The following WDPCP variants were observed in gnomAD, a reference collection of about 807,000 sequenced individuals.
The protein encoded by WDPCP is WD repeat containing planar cell polarity effector.
Under a neutral mutation model 93.1 loss-of-function variants are expected in WDPCP, and 71 were observed. The ratio of observed to expected loss-of-function variants is 0.76; its 90% CI spans 0.63 to 0.93. WDPCP has a LOEUF of 0.93. WDPCP is among the 40% of genes least tolerant of loss of function. The pLI is 0.00. For synonymous variants in WDPCP, 315 were observed against 315.0 expected (o/e 1.00, Z 0.00); for missense variants, 844 against 887.4 (o/e 0.95, Z 0.62).
At chr2:63,524,124 CA>C in intron 1 of WDPCP, among the ~76,000 whole-genome samples, 1 of 152,124 alleles carries the variant, frequency 6.6e-6, no homozygotes, top group Middle Eastern at 3.4e-3. Context: ...ATGACACAAA[CA>C]AATGAAAAAA....
At chr2:63,347,619 A>G (rs186785657) in intron 12 of WDPCP, among the ~76,000 whole-genome samples, 1 of 152,304 alleles carries the variant, frequency 6.6e-6, no homozygotes, top group Admixed American at 6.5e-5. Flanking sequence ...CAAGATTAGA[A>G]ATGCCATGTT....
intron 12 of WDPCP, among the ~76,000 whole-genome samples, chr2:63,352,225 T>G (rs1380527755): frequency 6.6e-6 from 1 of 152,234 alleles, no homozygotes; most frequent in Non-Finnish European, 1.5e-5. Flanking sequence ...AGATTGTCTG[T>G]TTACTCTGTT....
At chr2:63,749,479 CCATA>C (rs1669847433) in intron 2 of WDPCP, among the ~76,000 whole-genome samples, 2 of 151,940 alleles carry the variant, frequency 1.3e-5, no homozygotes, top group African/African-American at 4.8e-5. Flanking sequence ...ATTTGAGTAC[CCATA>C]CAACCATTCT....
At chr2:63,123,086 G>A (rs1669662419) in intron 17 of WDPCP, among the ~76,000 whole-genome samples, 1 of 149,650 alleles carries the variant, frequency 6.7e-6, no homozygotes, top group Admixed American at 6.7e-5. Context: ...GTAGCAAGAA[G>A]AATGCGTAAT....
At chr2:63,215,331 A>T (rs918201730) in intron 14 of WDPCP, among the ~76,000 whole-genome samples, 4 of 152,364 alleles carry the variant, frequency 2.6e-5, no homozygotes, top group African/African-American at 9.6e-5. Context: ...ACAGTAACCA[A>T]AATAGCATGG....
At chr2:63,176,812 C>T (rs756768996) in intron 14 of WDPCP, among the ~76,000 whole-genome samples, 3 of 152,140 alleles carry the variant, frequency 2.0e-5, no homozygotes, top group Non-Finnish European at 4.4e-5. Flanking sequence ...CTTTTGGTGT[C>T]ACATACAAGA....
intron 1 of WDPCP, among the ~76,000 whole-genome samples, chr2:63,586,682 G>C (rs980167936): frequency 6.6e-6 from 1 of 152,186 alleles, no homozygotes; most frequent in Admixed American, 6.5e-5. Flanking sequence ...GCAATAAACA[G>C]AACAAGGCCC....
intron 12 of WDPCP, among the ~76,000 whole-genome samples, chr2:63,364,793 C>T (rs1690766985): frequency 1.3e-5 from 2 of 152,212 alleles, no homozygotes; most frequent in South Asian, 4.1e-4. Context: ...CTTACATCTT[C>T]CTTCTCTTTC....
chr2:63,313,645 G>C (rs980946213), intron 12 of WDPCP, among the ~76,000 whole-genome samples: 2 of 151,880 alleles, frequency 1.3e-5, no homozygotes, highest in Admixed American at 1.3e-4. Context: ...CTCAGCTATA[G>C]AAATCAAAAG....
At chr2:63,441,172 T>A (rs1201772761) in intron 6 of WDPCP, 2 of 152,204 alleles carry the variant, frequency 1.3e-5, no homozygotes, top group African/African-American at 4.8e-5. Flanking sequence ...TTTATGGGTT[T>A]TGGAGACTAC....
intron 2 of WDPCP, among the ~76,000 whole-genome samples, chr2:63,778,518 C>T (rs1670339446): frequency 6.6e-6 from 1 of 152,118 alleles, no homozygotes; most frequent in East Asian, 1.9e-4. Context: ...CCCTTGTCCA[C>T]TTGTTGAACT....
chr2:63,164,655 C>G (rs935542979), intron 15 of WDPCP, among the ~76,000 whole-genome samples: 4 of 152,150 alleles, frequency 2.6e-5, no homozygotes, highest in South Asian at 2.1e-4. Flanking sequence ...ATAAATTACC[C>G]AGTCTCAGGT....
chr2:63,234,680 TAGAATC>T (rs1277698069), intron 14 of WDPCP, among the ~76,000 whole-genome samples: 8 of 152,292 alleles, frequency 5.3e-5, no homozygotes, highest in Admixed American at 1.3e-4. Flanking sequence ...TTATGGTACT[TAGAATC>T]AGAAAACTTA....
At chr2:63,712,719 AAGG>A (rs1329744347) in intron 2 of WDPCP, among the ~76,000 whole-genome samples, 4 of 152,186 alleles carry the variant, frequency 2.6e-5, no homozygotes, top group African/African-American at 9.6e-5. Flanking sequence ...AGCCCTCCTC[AAGG>A]AGAAGTCTTT....
intron 10 of WDPCP, among the ~76,000 whole-genome samples, chr2:63,390,629 G>C (rs367665378): frequency 2.0e-5 from 3 of 152,136 alleles, no homozygotes; most frequent in South Asian, 2.1e-4. Context: ...TTTTCAAAAA[G>C]ATCAACAAAA....
At chr2:63,816,985 T>G (rs547860386) in intron 1 of WDPCP, among the ~76,000 whole-genome samples, 8 of 152,228 alleles carry the variant, frequency 5.3e-5, no homozygotes, top group Non-Finnish European at 1.2e-4. Context: ...TAAGGACTGA[T>G]GGGAAAGAGG....
At chr2:63,742,181 T>G (rs1185490238) in intron 2 of WDPCP, among the ~76,000 whole-genome samples, 2 of 151,984 alleles carry the variant, frequency 1.3e-5, no homozygotes, top group Non-Finnish European at 2.9e-5. Flanking sequence ...TAAGTGTTTT[T>G]GTCAGTAGCC....
chr2:63,395,335 C>T (rs7599208), intron 10 of WDPCP, among the ~76,000 whole-genome samples: 85,618 of 151,952 alleles, frequency 0.56, 24,475 homozygotes, highest in Admixed American at 0.64. Context: ...ATCACCCAAA[C>T]AGTGAACATT....
intron 9 of WDPCP, among the ~76,000 whole-genome samples, chr2:63,411,398 T>C (rs1256979836): frequency 3.3e-5 from 5 of 151,944 alleles, no homozygotes; most frequent in Non-Finnish European, 7.4e-5. Flanking sequence ...AAGAGGAAAG[T>C]TCATAGCCCT....
Sources: gnomAD v4.1 joint callset for allele counts (sites outside exome capture counted in the v4.1 genomes callset) on GRCh38, gnomAD v4.1.1 for gene constraint, MANE v1.5 for transcripts, NCBI Gene and HGNC (gene_info 2026-07-23, HGNC 2026-07-21) for gene names.